CEPT1: variants seen among roughly 807,000 people sequenced by gnomAD.
CEPT1 encodes choline/ethanolaminephosphotransferase 1.
Under a neutral mutation model 42.6 loss-of-function variants are expected in CEPT1, and 7 were observed. The ratio of observed to expected loss-of-function variants is 0.16; its 90% confidence interval spans 0.09 to 0.31. The LOEUF (loss-of-function observed/expected upper bound fraction) is 0.31, where lower values mean the gene tolerates loss of function less well. Among genes scored for constraint, CEPT1 ranks in the 10% least tolerant of loss-of-function variants. The pLI is 1.00. For missense variants in CEPT1, 306 were observed against 502.1 expected, an observed-to-expected ratio of 0.61 and a Z score of 3.73; for synonymous variants, 171 against 171.9, an observed-to-expected ratio of 0.99 and a Z score of 0.04.
chr1:111,141,690 G>T (rs1654590983), intron 1 of CEPT1, among the ~76,000 whole-genome samples: 1 of 152,136 alleles, frequency 6.6e-6, no homozygotes, highest in Admixed American at 6.5e-5. Context: ...TCTAAGTTGT[G>T]TTACACAGCC....
chr1:111,163,442 C>A (rs1557932402), intron 4 of CEPT1, among the ~76,000 whole-genome samples: 1 of 152,116 alleles, frequency 6.6e-6, no homozygotes, highest in East Asian at 1.9e-4. Flanking sequence ...CCAGCCTGAG[C>A]AATATAGACC....
intron 5 of CEPT1, chr1:111,180,754 T>G (rs1401577554): frequency 3.3e-5 from 5 of 152,254 alleles, no homozygotes; most frequent in African/African-American, 1.2e-4. Flanking sequence ...TTAAGATTTA[T>G]GTCTTCCAGT....
intron 4 of CEPT1, chr1:111,168,040 T>G (rs1178721988): frequency 6.4e-6 from 1 of 157,046 alleles, no homozygotes; most frequent in Non-Finnish European, 1.4e-5. Flanking sequence ...CCTGGCTAAT[T>G]TTAAATTTTT....
intron 1 of CEPT1, among the ~76,000 whole-genome samples, chr1:111,146,080 C>CTTT (rs78721621): frequency 2.2e-5 from 3 of 137,524 alleles, no homozygotes; most frequent in Non-Finnish European, 4.8e-5. Context: ...AAGATTCTTT[C>CTTT]TTTTTTTTTT....
At chr1:111,171,435 A>C (rs1412581648) in intron 4 of CEPT1, among the ~76,000 whole-genome samples, 1 of 152,236 alleles carries the variant, frequency 6.6e-6, no homozygotes, top group Admixed American at 6.5e-5. Context: ...AGTACACTTT[A>C]TTCTCTTAAT....
chr1:111,142,072 A>G (rs1654663711), intron 1 of CEPT1, among the ~76,000 whole-genome samples: 1 of 151,890 alleles, frequency 6.6e-6, no homozygotes. Context: ...TTTTAATGTG[A>G]TACTTGTCAG....
chr1:111,145,205 G>A (rs1051450192), intron 1 of CEPT1, among the ~76,000 whole-genome samples: 3 of 152,032 alleles, frequency 2.0e-5, no homozygotes, highest in Non-Finnish European at 2.9e-5. Context: ...TAGTAGAGAC[G>A]GGGTTTCACC....
intron 2 of CEPT1, among the ~76,000 whole-genome samples, chr1:111,152,950 C>T (rs1655362587): frequency 6.6e-6 from 1 of 152,086 alleles, no homozygotes; most frequent in African/African-American, 2.4e-5. Flanking sequence ...TGTCTGTCAC[C>T]TCAAACATTT....
chr1:111,144,009 C>G (rs879552906), intron 1 of CEPT1, among the ~76,000 whole-genome samples: 1 of 152,198 alleles, frequency 6.6e-6, no homozygotes, highest in Admixed American at 6.5e-5. Context: ...AGATTACAGG[C>G]AATGAGCCAC....
chr1:111,180,259 C>T (rs1656904272), intron 5 of CEPT1: 1 of 152,030 alleles, frequency 6.6e-6, no homozygotes, highest in Admixed American at 6.5e-5. Context: ...AGTATTTTCC[C>T]TTTTGCCAGA....
chr1:111,165,558 C>A (rs903756461), intron 4 of CEPT1, among the ~76,000 whole-genome samples: 2 of 152,126 alleles, frequency 1.3e-5, no homozygotes, highest in African/African-American at 2.4e-5. Flanking sequence ...TCATGGGCCT[C>A]ATTTCCTAAT....
At chr1:111,160,033 G>T (rs1314783204) in intron 3 of CEPT1, 7 of 152,140 alleles carry the variant, frequency 4.6e-5, no homozygotes, top group Admixed American at 1.3e-4. Context: ...TACCACAGGA[G>T]AAAAAAGGTA....
chr1:111,140,498 C>CGACTGCCCCCTTGCCCCTCTGTGGA (rs547343881), intron 1 of CEPT1, 191 bp downstream of exon 1: 4 of 152,384 alleles, frequency 2.6e-5, no homozygotes, highest in African/African-American at 9.7e-5. Context: ...AGGCGAGGGG[C>CGACTGCCCCCTTGCCCCTCTGTGGA]GACTGCCCCC....
intron 3 of CEPT1, 138 bp from the exon 4 acceptor site, chr1:111,161,017 C>T: frequency 2.4e-6 from 2 of 824,074 alleles, no homozygotes; most frequent in Non-Finnish European, 4.0e-6. Flanking sequence ...AGATTATATC[C>T]TACTTTTCTG....
intron 2 of CEPT1, among the ~76,000 whole-genome samples, chr1:111,154,685 T>C (rs1655466278): frequency 6.6e-6 from 1 of 152,216 alleles, no homozygotes; most frequent in African/African-American, 2.4e-5. Context: ...GTGGTGACGT[T>C]TTATCTTGAA....
In CEPT1 at chr1:111,182,950, A is replaced by G; in HGVS notation, c.998A>G (p.Lys333Arg). 6.2e-7 allele frequency: 1 copy of G among 1,610,486 alleles called. No individual in the cohort carries two copies. The highest frequency in any genetic ancestry group is 8.5e-7 in the Non-Finnish European group (1 of 1,178,532). Residue 333 changes from lysine (K) to arginine (R), a missense_variant, in exon 7 of 9, where the codon AAG becomes AGG. Coordinates refer to ENST00000357172, the MANE Select transcript of CEPT1 (RefSeq NM_006090.5). Reference sequence around the variant, plus strand: ...TTTGTGTCTGCTAAAATCACTAATAAGCTTGTGGTAAGCACCTGAGTTTTT... The same window carrying G: ...TTTGTGTCTGCTAAAATCACTAATAGGCTTGTGGTAAGCACCTGAGTTTTT... ...FGFVSAKITN[K>R]LVVAHMTKSE...
intron 2 of CEPT1, among the ~76,000 whole-genome samples, chr1:111,152,771 T>C (rs1472909740): frequency 6.6e-6 from 1 of 152,194 alleles, no homozygotes; most frequent in Non-Finnish European, 1.5e-5. Flanking sequence ...AAACTTTTTG[T>C]ATGTTTGAAA....
chr1:111,153,210 G>GT (rs766903383), intron 2 of CEPT1, among the ~76,000 whole-genome samples: 8 of 151,778 alleles, frequency 5.3e-5, no homozygotes, highest in Non-Finnish European at 1.0e-4. Flanking sequence ...CTGCATATGA[G>GT]TAAGAACTTG....
chr1:111,175,789 G>A (rs1656647583), intron 5 of CEPT1, among the ~76,000 whole-genome samples: 2 of 152,132 alleles, frequency 1.3e-5, no homozygotes, highest in African/African-American at 4.8e-5. Context: ...TATTCTTTCA[G>A]ATTTGGGTTG....
Sources: gnomAD v4.1 joint callset for allele counts (sites outside exome capture counted in the v4.1 genomes callset) on GRCh38, gnomAD v4.1.1 for gene constraint, MANE v1.5 for transcripts, NCBI Gene and HGNC (gene_info 2026-07-23, HGNC 2026-07-21) for gene names.